The following GABPA variants were observed in gnomAD, a reference collection of about 807,000 sequenced individuals.
GABPA encodes the protein GA-binding protein alpha chain.
GABPA carries 4 observed loss-of-function variants against 59.4 expected under a neutral mutation model. The ratio of observed to expected loss-of-function variants is 0.07; its 90% confidence interval spans 0.03 to 0.15. The LOEUF is 0.15. GABPA is among the 10% of genes least tolerant of loss of function. GABPA has a pLI of 1.00. For missense variants in GABPA, 251 were observed against 543.8 expected, an observed-to-expected ratio of 0.46 and a Z score of 5.36; for synonymous variants, 164 against 183.1, an observed-to-expected ratio of 0.90 and a Z score of 0.84.
chr21:25,756,420 C>T (rs1243139196), intron 5 of GABPA, among the ~76,000 whole-genome samples: 1 of 152,158 alleles, frequency 6.6e-6, no homozygotes, highest in Non-Finnish European at 1.5e-5. Context: ...TCCACTCTGC[C>T]AGTTTCTCCT....
At chr21:25,765,484 C>G (rs1165619410) in intron 9 of GABPA, among the ~76,000 whole-genome samples, 2 of 151,958 alleles carry the variant, frequency 1.3e-5, no homozygotes, top group Non-Finnish European at 2.9e-5. Context: ...CACACACTCT[C>G]CCTTCCCCTT....
At chr21:25,764,172 T>C (rs1404714035) in intron 7 of GABPA, 38 bp from the exon 8 acceptor site, 3 of 1,525,726 alleles carry the variant, frequency 2.0e-6, no homozygotes, top group Admixed American at 2.2e-5. Flanking sequence ...CCTGCTTGTA[T>C]TGGAAGAAAA....
chr21:25,761,432 C>T (rs748248297), intron 6 of GABPA, among the ~76,000 whole-genome samples: 9 of 152,294 alleles, frequency 5.9e-5, no homozygotes, highest in Non-Finnish European at 1.2e-4. Context: ...TCAAAGCTCC[C>T]ATCTGATAGG....
intron 6 of GABPA, 22 bp from the exon 7 acceptor site, chr21:25,762,289 CA>C: frequency 2.1e-6 from 3 of 1,435,752 alleles, no homozygotes; most frequent in East Asian, 4.6e-5. Context: ...TAAATAAAAA[CA>C]AAAAATTTTT....
At position 25,770,898 on chromosome 21, in the gene GABPA, TATCTG is replaced by T. The variant is rs1355695556; in HGVS notation, c.*1668_*1672del. On this transcript the variant is annotated 3_prime_UTR_variant, in exon 10 of 10. Transcript: ENST00000400075. ...ATTATTAAGCTCTTCCTGCAGTTGA[TATCTG>T]AGCAGAGTAAGATTTGTATTTCCAT... 2.6e-5 allele frequency: 4 copies of T among 152,236 alleles called. No individual in the cohort carries two copies. The highest frequency in any genetic ancestry group is 1.9e-4 in the East Asian group (1 of 5,196). 9.4% of individuals were successfully genotyped at this position (152,236 alleles called of 1,614,324 possible).
At chr21:25,753,008 T>G (rs902392163) in intron 5 of GABPA, among the ~76,000 whole-genome samples, 1 of 152,088 alleles carries the variant, frequency 6.6e-6, no homozygotes, top group African/African-American at 2.4e-5. Flanking sequence ...ATACAAGTAT[T>G]GATCTAACTT....
chr21:25,738,470 CCTGT>C (rs1428087075), intron 1 of GABPA, among the ~76,000 whole-genome samples: 3 of 152,126 alleles, frequency 2.0e-5, no homozygotes. Flanking sequence ...CATTCTGTAG[CCTGT>C]CTGTTGAACA....
intron 1 of GABPA, among the ~76,000 whole-genome samples, chr21:25,741,098 T>A (rs7277449): frequency 0.29 from 44,657 of 151,972 alleles, 8,659 homozygotes; most frequent in African/African-American, 0.55. Context: ...ACCAGTTTTT[T>A]AAAAAATTAG....
intron 3 of GABPA, among the ~76,000 whole-genome samples, chr21:25,745,780 A>G (rs754719682): frequency 6.6e-6 from 1 of 152,184 alleles, no homozygotes; most frequent in Non-Finnish European, 1.5e-5. Context: ...TAAGTTTTGG[A>G]TAAGAATTTA....
At chr21:25,750,329 C>T (rs575566429) in intron 4 of GABPA, among the ~76,000 whole-genome samples, 1 of 152,278 alleles carries the variant, frequency 6.6e-6, no homozygotes, top group African/African-American at 2.4e-5. Context: ...TGGTCTGTGG[C>T]CTGGGGTTTG....
chr21:25,755,432 TA>T (rs968729001), intron 5 of GABPA, among the ~76,000 whole-genome samples: 19,016 of 85,698 alleles, frequency 0.22, 1,577 homozygotes, highest in African/African-American at 0.32. Context: ...CAAGACTGTC[TA>T]AAAAAAAAAA....
intron 3 of GABPA, among the ~76,000 whole-genome samples, chr21:25,747,695 T>G (rs2035402651): frequency 6.6e-6 from 1 of 152,212 alleles, no homozygotes; most frequent in Admixed American, 6.5e-5. Context: ...GCTTGAGTTT[T>G]GTCCTTGTTC....
At chr21:25,740,417 TAACTAC>T (rs1426782907) in intron 1 of GABPA, among the ~76,000 whole-genome samples, 3 of 152,218 alleles carry the variant, frequency 2.0e-5, no homozygotes, top group Non-Finnish European at 4.4e-5. Context: ...ACGCTTAGAA[TAACTAC>T]TCAGAAGGTG....
chr21:25,766,393 G>C (rs559784519), intron 9 of GABPA, among the ~76,000 whole-genome samples: 64 of 152,026 alleles, frequency 4.2e-4, no homozygotes, highest in African/African-American at 1.4e-3. Context: ...AATTCTAAAG[G>C]GAAAGATCAA....
Position 25,762,384 on chromosome 21 carries a change from A to AT in GABPA, c.802+22dup. The AT allele has an allele frequency of 6.6e-7, 1 of 1,504,224 alleles. No homozygotes were observed. The highest frequency in any genetic ancestry group is 9.0e-7 in the Non-Finnish European group (1 of 1,107,014). The allele number at this position is 1,504,224 out of a possible 1,614,324, so 93.2% of individuals were successfully genotyped here. A position where few individuals can be genotyped will look rare whatever the true frequency, so the allele number is the denominator to read the frequency against. On this transcript the variant is annotated intron_variant, in intron 7 of 9. Coordinates refer to ENST00000400075, the MANE Select transcript of GABPA (RefSeq NM_002040.4). ...GATCAACGTGAGTATTTGTACCTAT[A>AT]TTTGCCCTTTTATTAATAAGAAATG... is the stretch of plus-strand genomic sequence containing the variant.
In GABPA at chr21:25,769,101, G is replaced by A; in HGVS notation, c.1234G>A (p.Ala412Thr). 1 of 1,613,314 alleles carries A rather than the reference G, an allele frequency of 6.2e-7. No homozygotes were observed. The highest frequency in any genetic ancestry group is 8.5e-7 in the Non-Finnish European group (1 of 1,179,340). The change falls in exon 10 of 10, where the codon GCG (alanine) becomes ACG (threonine). Residue 412 changes from alanine (A) to threonine (T), a missense_variant. Physicochemically the swap from Ala to Thr is moderately conservative, Grantham distance 58. Around this residue, in one of 4 missense-constraint regions of GABPA, gnomAD observed 23 missense variants for 60.7 expected, o/e 0.38. Coordinates refer to ENST00000400075, the MANE Select transcript of GABPA (RefSeq NM_002040.4). Reference sequence around the variant, plus strand: ...GAAGACTCTTATTGGATACAGTGCAGCGGAGTTGAACCGTTTGGTCACAGA... The same window carrying A: ...GAAGACTCTTATTGGATACAGTGCAACGGAGTTGAACCGTTTGGTCACAGA... ...DLKTLIGYSA[A>T]ELNRLVTECE...
At chr21:25,751,871 CA>C in intron 4 of GABPA, 117 bp from the exon 5 acceptor site, 1 of 1,006,474 alleles carries the variant, frequency 9.9e-7, no homozygotes, top group Non-Finnish European at 1.5e-6. Flanking sequence ...ACTTTTACTA[CA>C]TTTGCTTTAT....
Position 25,745,344 on chromosome 21 carries a change from A to G in GABPA, c.212A>G (p.Gln71Arg). The change falls in exon 3 of 10, where the codon CAA (glutamine) becomes CGA (arginine). Residue 71 changes from glutamine to arginine, a missense_variant. Physicochemically the swap from Gln to Arg is conservative, Grantham distance 43. This residue lies in a region of GABPA where 207 missense variants were observed against 366.7 expected (regional missense o/e 0.56). Coordinates refer to ENST00000400075, the MANE Select transcript of GABPA (RefSeq NM_002040.4). ...TTGGATGCTCATGAAATTTGTCTGC[A>G]AGATATCCAGGTAATTTTTATTTTT... ...CSLDAHEICL[Q>R]DIQLDPERSL... The G allele has an allele frequency of 6.2e-7, 1 of 1,610,980 alleles. No individual in the cohort carries two copies.
chr21:25,764,835 TA>T (rs1358884541), intron 9 of GABPA, 48 bp downstream of exon 9: 1 of 1,349,962 alleles, frequency 7.4e-7, no homozygotes. Flanking sequence ...AGAAACTTTC[TA>T]AAAAATAGTT....
Sources: allele counts gnomAD v4.1 joint callset (sites outside exome capture counted in the v4.1 genomes callset), GRCh38; gene constraint gnomAD v4.1.1; regional missense constraint gnomAD v4.1.1; transcripts MANE v1.5; gene names NCBI Gene and HGNC (gene_info 2026-07-23, HGNC 2026-07-21).